The following STK3 variants were observed in gnomAD, a reference collection of about 807,000 sequenced individuals.
STK3 encodes serine/threonine-protein kinase 3.
A neutral mutation model predicts 58.0 loss-of-function variants in STK3; 41 were observed. The ratio of observed to expected loss-of-function variants is 0.71; its 90% CI spans 0.55 to 0.92. The LOEUF (loss-of-function observed/expected upper bound fraction) is 0.92, where lower values mean the gene tolerates loss of function less well. Ranked by LOEUF, STK3 falls within the 40% of genes least tolerant of loss-of-function variation. The pLI is 0.00. For synonymous variants in STK3, 170 were observed against 191.0 expected (o/e 0.89, Z 0.91); for missense variants, 479 against 602.7 (o/e 0.79, Z 2.15).
rs564449380 is a variant in STK3, at chr8:98,439,611, A to T, written n.186-2403T>A. Among the ~76,000 whole-genome samples the T allele has an allele frequency of 3.3e-5, 5 of 152,260 alleles. No individual in the cohort carries two copies. In the East Asian group the frequency reaches 9.6e-4, roughly 29 times the overall value. On this transcript the variant is annotated intron_variant and non_coding_transcript_variant, in intron 1 of 3. Coordinates refer to the STK3 transcript ENST00000517832. ...TCCCTCTGAGGCAGGGTTCAGTGGA[A>T]ATCACACACTATTAGGCATCAGAGC...
At chr8:98,349,497 T>G in the STK3 span, among the ~76,000 whole-genome samples, 1 of 152,196 alleles carries the variant, frequency 6.6e-6, no homozygotes, top group African/African-American at 2.4e-5. Context: ...TGGAGGATGG[T>G]GGCCCTCTTC....
At chr8:98,636,263 A>G (rs1346795551) in intron 6 of STK3, among the ~76,000 whole-genome samples, 1 of 152,166 alleles carries the variant, frequency 6.6e-6, no homozygotes, top group East Asian at 1.9e-4. Flanking sequence ...CAGCAAGTAG[A>G]AAAGCTAGGA....
chr8:98,732,588 T>A (rs1828287766), intron 4 of STK3, among the ~76,000 whole-genome samples: 4 of 152,160 alleles, frequency 2.6e-5, no homozygotes, highest in South Asian at 4.1e-4. Context: ...TCTTGTATCA[T>A]GAAGAAGACA....
chr8:98,838,123 G>A (rs1010600683), intron 3 of STK3, among the ~76,000 whole-genome samples: 19 of 147,028 alleles, frequency 1.3e-4, no homozygotes, highest in African/African-American at 4.7e-4. Flanking sequence ...CACACCTTTA[G>A]TACGAGCTAC....
intron 1 of STK3, among the ~76,000 whole-genome samples, chr8:98,441,134 A>T (rs1475981950): frequency 1.3e-5 from 2 of 152,238 alleles, no homozygotes; most frequent in Non-Finnish European, 2.9e-5. Context: ...CAAAGAAATC[A>T]AACCTTACAG....
intron 3 of STK3, among the ~76,000 whole-genome samples, chr8:98,762,958 G>A (rs1025987817): frequency 6.6e-6 from 1 of 152,134 alleles, no homozygotes; most frequent in South Asian, 2.1e-4. Context: ...GTGATTTTGG[G>A]CAATTCATGT....
intron 10 of STK3, among the ~76,000 whole-genome samples, chr8:98,497,190 T>A (rs889964121): frequency 6.6e-6 from 1 of 152,084 alleles, no homozygotes; most frequent in Non-Finnish European, 1.5e-5. Flanking sequence ...CCAAGATAAC[T>A]CAATGAGGGA....
At chr8:98,443,319 T>G (rs1161400671) in intron 1 of STK3, among the ~76,000 whole-genome samples, 1 of 152,252 alleles carries the variant, frequency 6.6e-6, no homozygotes, top group Non-Finnish European at 1.5e-5. Flanking sequence ...TATTGGCTAT[T>G]GAGTAATCTA....
intron 6 of STK3, among the ~76,000 whole-genome samples, chr8:98,654,527 A>G (rs1413838243): frequency 6.6e-6 from 1 of 152,186 alleles, no homozygotes. Context: ...TCAATTAGGA[A>G]AAGAGGAAGG....
chr8:98,824,133 T>C (rs1022645634), intron 1 of STK3, among the ~76,000 whole-genome samples: 3 of 152,246 alleles, frequency 2.0e-5, no homozygotes, highest in Non-Finnish European at 4.4e-5. Context: ...TGCTGTCACA[T>C]ATCTTTCGCC....
intron 3 of STK3, among the ~76,000 whole-genome samples, chr8:98,834,835 T>C (rs1426227253): frequency 6.6e-6 from 1 of 152,200 alleles, no homozygotes; most frequent in Non-Finnish European, 1.5e-5. Context: ...AATGATGAGA[T>C]TCAGAAAATA....
At chr8:98,414,476 G>A (rs1208660120) in intron 3 of STK3, among the ~76,000 whole-genome samples, 3 of 152,142 alleles carry the variant, frequency 2.0e-5, no homozygotes, top group Non-Finnish European at 4.4e-5. Flanking sequence ...ACAGAAGATT[G>A]TGCCTCAGGC....
intron 6 of STK3, among the ~76,000 whole-genome samples, chr8:98,680,068 T>C (rs1726835071): frequency 6.6e-6 from 1 of 152,158 alleles, no homozygotes; most frequent in Non-Finnish European, 1.5e-5. Flanking sequence ...GAATATTCAA[T>C]ACCAGTCTGT....
intron 1 of STK3, among the ~76,000 whole-genome samples, chr8:98,890,927 G>A (rs1342896805): frequency 9.2e-5 from 14 of 152,160 alleles, no homozygotes; most frequent in African/African-American, 3.1e-4. Context: ...TCATTTTATC[G>A]TCCTAGCCTT....
At chr8:98,877,482 T>C (rs544736358) in intron 3 of STK3, among the ~76,000 whole-genome samples, 1 of 152,218 alleles carries the variant, frequency 6.6e-6, no homozygotes, top group Admixed American at 6.5e-5. Flanking sequence ...TTTTTTTGTT[T>C]GTTTTTTTGG....
At chr8:98,457,467 C>T (rs1201352668) in intron 10 of STK3, among the ~76,000 whole-genome samples, 2 of 152,216 alleles carry the variant, frequency 1.3e-5, no homozygotes, top group East Asian at 3.9e-4. Flanking sequence ...TCAACATCAT[C>T]TCTATTTCAG....
Position 98,586,743 on chromosome 8 carries a change from G to A in STK3, c.823-6954C>T, listed in dbSNP as rs919497520. 6.5e-4 allele frequency among the ~76,000 whole-genome samples: 99 copies of A among 152,102 alleles called. 1 individual carries two copies. Among genetic ancestry groups the A allele is most frequent in the African/African-American group, 2.3e-3 (94 of 41,388 alleles). On this transcript the variant is annotated intron_variant, in intron 7 of 10. Transcript: ENST00000419617. ...GTCTGGTCCTGGACTCTTTTTGGTT[G>A]GTAAGCTATTGATTATTGCCACAAT... is the stretch of plus-strand genomic sequence containing the variant.
chr8:98,385,959 G>C (rs544074566), intron 1 of STK3, among the ~76,000 whole-genome samples: 3 of 152,258 alleles, frequency 2.0e-5, no homozygotes, highest in Admixed American at 6.5e-5. Flanking sequence ...AATGAGCCAA[G>C]AGATGTGTTA....
intron 3 of STK3, among the ~76,000 whole-genome samples, chr8:98,836,592 GT>G (rs566163282): frequency 1.9e-3 from 286 of 152,300 alleles, no homozygotes; most frequent in African/African-American, 6.7e-3. Flanking sequence ...CTCAGTTATA[GT>G]TAATAATTCT....
Sources: allele counts gnomAD v4.1 joint callset (sites outside exome capture counted in the v4.1 genomes callset), GRCh38; gene constraint gnomAD v4.1.1; transcripts MANE v1.5; gene names NCBI Gene and HGNC (gene_info 2026-07-23, HGNC 2026-07-21).